Variants in PLPP7 observed in about 807,000 individuals in gnomAD.
The protein encoded by PLPP7 is phospholipid phosphatase 7 (inactive).
Under a neutral mutation model 16.9 loss-of-function variants are expected in PLPP7, and 11 were observed. That is an observed-to-expected ratio of 0.65 (90% CI 0.41 to 1.08). The LOEUF (loss-of-function observed/expected upper bound fraction) is 1.08. Ranked by LOEUF, PLPP7 falls within the 50% of genes least tolerant of loss-of-function variation. The pLI is 0.00. For missense variants in PLPP7, 358 were observed against 397.1 expected (o/e 0.90, Z 0.84); for synonymous variants, 174 against 175.1 (o/e 0.99, Z 0.05).
At position 131,300,762 on chromosome 9, in the gene PLPP7, C is replaced by T. The variant is rs913217; in HGVS notation, c.452-7161C>T. Among the ~76,000 whole-genome samples, 93 of 151,532 alleles carry T rather than the reference C, an allele frequency of 6.1e-4. 1 individual carries two copies. The highest frequency in any genetic ancestry group is 2.2e-3 in the African/African-American group (89 of 41,228). On this transcript the variant is annotated intron_variant, in intron 1 of 1. Coordinates refer to ENST00000372264, the MANE Select transcript of PLPP7 (RefSeq NM_032728.4). ...TTCTTGGCCTATGGATCCTGACAGC[C>T]CATGCAGAGAGCTGGGGCATGTGGG...
chr9:131,299,644 C>T (rs1166572681), intron 1 of PLPP7, among the ~76,000 whole-genome samples: 1 of 152,176 alleles, frequency 6.6e-6, no homozygotes, highest in East Asian at 1.9e-4. Context: ...ACCCTCCCGG[C>T]CAGACGGCTG....
rs545936942 is a variant in PLPP7, at chr9:131,293,211, C to A, written c.451+2763C>A. On this transcript the variant is annotated intron_variant, in intron 1 of 1. Transcript: ENST00000372264. ...AAGGCCCCGTGACTGCAAACCCCCC[C>A]ACTCCTCGCTGCTCACCGTGGGGCT... is the stretch of plus-strand genomic sequence containing the variant. Among the ~76,000 whole-genome samples the A allele has an allele frequency of 8.2e-4, 123 of 150,242 alleles. 1 individual carries two copies. Among genetic ancestry groups the A allele is most frequent in the African/African-American group, 2.8e-3 (116 of 40,902 alleles).
chr9:131,307,637 A>G (rs1300919144), intron 1 of PLPP7, among the ~76,000 whole-genome samples: 1 of 151,928 alleles, frequency 6.6e-6, no homozygotes, highest in East Asian at 1.9e-4. Context: ...GCTGTATGAA[A>G]AAATTAAACA....
rs544042614 is a variant in PLPP7, at chr9:131,308,041, G to A, written c.570G>A (p.Pro190=). The change falls in exon 2 of 2, where the codon CCG becomes CCA. Residue 190 remains proline, a synonymous_variant. Coordinates refer to ENST00000372264, the MANE Select transcript of PLPP7 (RefSeq NM_032728.4). ...DYLTMDIYAF[P]AGHASRAAMV... is the part of the protein sequence containing the mutation. ...TCACCATGGACATCTACGCCTTCCC[G>A]GCCGGGCACGCCAGCCGCGCCGCCA... is the stretch of plus-strand genomic sequence containing the variant. 6.8e-5 allele frequency: 109 copies of A among 1,601,090 alleles called. No homozygotes were observed. Among genetic ancestry groups the A allele is most frequent in the Admixed American group, 8.3e-5 (5 of 60,010 alleles).
intron 1 of PLPP7, among the ~76,000 whole-genome samples, chr9:131,306,131 G>A (rs1835849281): frequency 6.6e-6 from 1 of 152,178 alleles, no homozygotes. Context: ...CAGCTACTCA[G>A]GAGGCTGAGG....
chr9:131,307,978 C>CG lies in PLPP7; in HGVS notation c.509dup (p.Tyr172ValfsTer117). ...GCGTGCAGAAGCTCATCAAGCGGCG[C>CG]GGCCCGTACGAGACGAGCCCCAGCC... On this transcript the variant is annotated frameshift_variant, in exon 2 of 2. Transcript: ENST00000372264. LOFTEE classifies it high-confidence loss of function. The CG allele has an allele frequency of 6.3e-7, 1 of 1,599,772 alleles. No individual in the cohort carries two copies. The highest frequency in any genetic ancestry group is 1.3e-5 in the African/African-American group (1 of 75,038).
chr9:131,295,119 A>G lies in PLPP7; in HGVS notation c.451+4671A>G, dbSNP rs11244358. On this transcript the variant is annotated intron_variant, in intron 1 of 1. Transcript: ENST00000372264. This position sits in a 1 kb window ranked among gnomAD's most constrained non-coding sequence, Gnocchi z 4.0. The stretch of plus-strand genomic sequence containing the variant: ...GACAGAGTGAGACTCTGTCTAAAAA[A>G]AAAGTATCTTTATTGAGATTTTCCT... Among the ~76,000 whole-genome samples the G allele has an allele frequency of 0.21, 31,592 of 151,224 alleles. 4,058 individuals are homozygous for G. Among genetic ancestry groups the G allele is most frequent in the Non-Finnish European group, 0.29 (19,385 of 67,680 alleles).
chr9:131,307,210 C>T (rs1343713352), intron 1 of PLPP7, among the ~76,000 whole-genome samples: 4 of 146,570 alleles, frequency 2.7e-5, no homozygotes, highest in Non-Finnish European at 5.9e-5. Flanking sequence ...CAGGCCACTG[C>T]ACTACAGCCT....
intron 1 of PLPP7, among the ~76,000 whole-genome samples, chr9:131,302,876 C>T (rs996504295): frequency 6.6e-6 from 1 of 152,216 alleles, no homozygotes; most frequent in Non-Finnish European, 1.5e-5. Flanking sequence ...CCAGGGAGGA[C>T]TGCGTGATCT....
intron 1 of PLPP7, among the ~76,000 whole-genome samples, chr9:131,297,857 A>G (rs1835751852): frequency 1.3e-5 from 2 of 152,146 alleles, no homozygotes; most frequent in South Asian, 2.1e-4. Context: ...CTCTGTATAT[A>G]AGCACGTTTG....
At chr9:131,296,994 C>T (rs146775959) in intron 1 of PLPP7, among the ~76,000 whole-genome samples, 3 of 152,338 alleles carry the variant, frequency 2.0e-5, no homozygotes, top group East Asian at 1.9e-4. Flanking sequence ...TGTGGGAAAC[C>T]GCACATGCTA....
At chr9:131,300,596 C>A (rs1475113398) in intron 1 of PLPP7, among the ~76,000 whole-genome samples, 1 of 145,422 alleles carries the variant, frequency 6.9e-6, no homozygotes, top group Non-Finnish European at 1.5e-5. Context: ...GCAGGAGGAT[C>A]ATTTGAGCCC....
chr9:131,293,946 C>T (rs140354997), intron 1 of PLPP7, among the ~76,000 whole-genome samples: 153 of 152,280 alleles, frequency 1.0e-3, no homozygotes, highest in African/African-American at 3.6e-3. Flanking sequence ...GCAAGACCTC[C>T]GAGCTTGCAG....
chr9:131,302,327 G>A (rs747053984), intron 1 of PLPP7, among the ~76,000 whole-genome samples: 6 of 152,204 alleles, frequency 3.9e-5, no homozygotes, highest in African/African-American at 1.2e-4. Context: ...GCAGATGAGA[G>A]GGCTCCCTGG....
At chr9:131,305,791 T>C (rs979004444) in intron 1 of PLPP7, among the ~76,000 whole-genome samples, 1 of 151,918 alleles carries the variant, frequency 6.6e-6, no homozygotes, top group African/African-American at 2.4e-5. Flanking sequence ...ATCACACATG[T>C]CTAATTTTTG....
intron 1 of PLPP7, chr9:131,291,043 G>C: frequency 7.3e-7 from 1 of 1,365,016 alleles, no homozygotes; most frequent in Non-Finnish European, 9.8e-7. Flanking sequence ...GGAGTCACTG[G>C]AGAAGGGTTC....
At chr9:131,307,551 C>CAAAAAAAAAAAAAAA (rs57469502) in intron 1 of PLPP7, among the ~76,000 whole-genome samples, 1 of 60,586 alleles carries the variant, frequency 1.7e-5, no homozygotes, top group African/African-American at 7.6e-5. Flanking sequence ...AACTCTGTCT[C>CAAAAAAAAAAAAAAA]AAAAAAAAAA....
At chr9:131,299,002 C>T (rs1035509853) in intron 1 of PLPP7, among the ~76,000 whole-genome samples, 5 of 151,836 alleles carry the variant, frequency 3.3e-5, no homozygotes, top group African/African-American at 1.2e-4. Flanking sequence ...GGGTGGTGGA[C>T]AAGCCCTGGT....
intron 1 of PLPP7, among the ~76,000 whole-genome samples, chr9:131,297,638 C>A (rs781653454): frequency 1.3e-5 from 2 of 152,036 alleles, no homozygotes; most frequent in Non-Finnish European, 2.9e-5. Flanking sequence ...CGCCTGCCAC[C>A]GCCTCCCAAA....
Sources: gnomAD v4.1 joint callset for allele counts (sites outside exome capture counted in the v4.1 genomes callset) on GRCh38, gnomAD v4.1.1 for gene constraint, Gnocchi (gnomAD v3.1) non-coding constraint, MANE v1.5 for transcripts, NCBI Gene and HGNC (gene_info 2026-07-23, HGNC 2026-07-21) for gene names.